FER: variants seen among roughly 807,000 people sequenced by gnomAD.
FER encodes the protein tyrosine-protein kinase Fer.
In FER, 63 loss-of-function variants were observed where a neutral mutation model predicts 111.0. The observed-to-expected ratio is 0.57, with a 90% CI of 0.46 to 0.70. The LOEUF (loss-of-function observed/expected upper bound fraction) is 0.70, where lower values mean the gene tolerates loss of function less well. Among genes scored for constraint, FER ranks in the 30% least tolerant of loss-of-function variants. The pLI, the probability that FER is intolerant of heterozygous loss-of-function variation, is 0.00. For synonymous variants in FER, 327 were observed against 313.9 expected (o/e 1.04, Z -0.44); for missense variants, 914 against 954.0 (o/e 0.96, Z 0.55).
At chr5:109,186,095 A>C in intron 18 of FER, 105 bp from the exon 19 acceptor site, 2 of 1,505,114 alleles carry the variant, frequency 1.3e-6, no homozygotes, top group Non-Finnish European at 1.8e-6. Context: ...TCATTGACCA[A>C]ACATCATTAT....
chr5:109,175,006 A>AT (rs1445061421), intron 17 of FER, among the ~76,000 whole-genome samples: 2 of 137,438 alleles, frequency 1.5e-5, no homozygotes, highest in East Asian at 4.2e-4. Context: ...AAGTACAGTA[A>AT]TTTCTGAGTG....
chr5:108,971,923 C>T (rs1331439754), intron 13 of FER, among the ~76,000 whole-genome samples: 2 of 152,034 alleles, frequency 1.3e-5, no homozygotes, highest in African/African-American at 4.8e-5. Flanking sequence ...TGAGTGAAAA[C>T]AAACATTAAG....
chr5:108,787,227 C>T (rs555022787), intron 2 of FER, among the ~76,000 whole-genome samples: 4 of 152,324 alleles, frequency 2.6e-5, no homozygotes, highest in South Asian at 4.1e-4. Context: ...TGTTGCAACC[C>T]GGCCAGGTAT....
At chr5:108,882,624 T>G (rs1765790840) in intron 8 of FER, among the ~76,000 whole-genome samples, 1 of 151,986 alleles carries the variant, frequency 6.6e-6, no homozygotes, top group African/African-American at 2.4e-5. Flanking sequence ...CTTTTGACTT[T>G]ATGATCTCTT....
chr5:108,754,475 A>C (rs28774987), intron 1 of FER, among the ~76,000 whole-genome samples: 2 of 151,882 alleles, frequency 1.3e-5, no homozygotes, highest in Admixed American at 1.3e-4. Flanking sequence ...GACATACCTT[A>C]CAATTCTGTA....
chr5:108,765,524 A>T (rs1431445404), intron 1 of FER, among the ~76,000 whole-genome samples: 1 of 152,006 alleles, frequency 6.6e-6, no homozygotes, highest in East Asian at 1.9e-4. Context: ...GGCTCAAGTG[A>T]TCCTTCTGCC....
At chr5:109,139,228 T>G (rs1753239389) in intron 17 of FER, among the ~76,000 whole-genome samples, 1 of 152,078 alleles carries the variant, frequency 6.6e-6, no homozygotes, top group African/African-American at 2.4e-5. Flanking sequence ...TCAAAATCAC[T>G]TCCTTGTCTT....
intron 10 of FER, among the ~76,000 whole-genome samples, chr5:108,916,525 C>T (rs1463141775): frequency 1.3e-5 from 2 of 152,056 alleles, no homozygotes; most frequent in African/African-American, 4.8e-5. Flanking sequence ...TGAGTATAGA[C>T]TTGCGTTATA....
At chr5:109,081,245 A>C (rs149752447) in intron 16 of FER, among the ~76,000 whole-genome samples, 1 of 152,262 alleles carries the variant, frequency 6.6e-6, no homozygotes, top group East Asian at 1.9e-4. Context: ...TCTTAAACGA[A>C]TATAGAATGG....
At chr5:109,155,360 G>T (rs1214376410) in intron 17 of FER, among the ~76,000 whole-genome samples, 1 of 151,874 alleles carries the variant, frequency 6.6e-6, no homozygotes, top group African/African-American at 2.4e-5. Flanking sequence ...CATTTTGGGG[G>T]TTAGTGTTCA....
intron 3 of FER, among the ~76,000 whole-genome samples, chr5:108,814,083 A>G (rs991502233): frequency 1.2e-4 from 17 of 145,350 alleles, no homozygotes; most frequent in Admixed American, 1.2e-3. Context: ...AATATATGGA[A>G]TATAGTCCTT....
chr5:108,841,795 TCA>T (rs1761296883), intron 5 of FER: 1 of 414,576 alleles, frequency 2.4e-6, no homozygotes, highest in Non-Finnish European at 4.7e-6. Flanking sequence ...TGCAAAATAC[TCA>T]GTCTTCCTTT....
intron 8 of FER, among the ~76,000 whole-genome samples, chr5:108,876,106 T>G (rs1188519764): frequency 6.6e-6 from 1 of 152,220 alleles, no homozygotes; most frequent in Non-Finnish European, 1.5e-5. Context: ...TTGGATCTTG[T>G]AGGGCATGAG....
chr5:108,843,678 G>A (rs988016753), intron 5 of FER, among the ~76,000 whole-genome samples: 8 of 151,618 alleles, frequency 5.3e-5, no homozygotes, highest in Non-Finnish European at 1.0e-4. Flanking sequence ...ACAGGTGTGC[G>A]CCACCAAACC....
intron 13 of FER, among the ~76,000 whole-genome samples, chr5:108,979,112 G>T (rs1761739121): frequency 6.6e-6 from 1 of 152,056 alleles, no homozygotes. Flanking sequence ...CACTTTGATT[G>T]TTGGCAAATT....
intron 13 of FER, among the ~76,000 whole-genome samples, chr5:109,028,406 G>A (rs1322318918): frequency 1.3e-5 from 2 of 152,180 alleles, no homozygotes; most frequent in South Asian, 2.1e-4. Context: ...ATAACCCATT[G>A]TGTTTCAATT....
At chr5:108,759,965 A>G (rs980229363) in intron 1 of FER, among the ~76,000 whole-genome samples, 42 of 152,236 alleles carry the variant, frequency 2.8e-4, no homozygotes, top group Admixed American at 3.3e-4. Flanking sequence ...TAATACAGGT[A>G]TATTTCACTG....
chr5:108,991,254 C>A (rs970469698), intron 13 of FER, among the ~76,000 whole-genome samples: 6 of 151,724 alleles, frequency 4.0e-5, no homozygotes, highest in African/African-American at 1.4e-4. Flanking sequence ...TTTCAGCTGG[C>A]TTCTGGATTC....
Position 108,883,421 on chromosome 5 carries a change from A to C in FER, c.949A>C (p.Met317Leu), listed in dbSNP as rs1765868036. The change falls in exon 9 of 20, where the codon ATG (methionine) becomes CTG (leucine). Residue 317 changes from methionine (M) to leucine (L), a missense_variant. By Grantham distance (15) the Met-to-Leu change is conservative. Coordinates refer to ENST00000281092, the MANE Select transcript of FER (RefSeq NM_005246.4). ...GTTGAAAACGTTAGCGGAAGAACTT[A>C]TGCAAACACAGCAGATGCTTTTAAA... The part of the protein sequence containing the change: ...VMLKTLAEEL[M>L]QTQQMLLNKE... 1 of 1,607,822 alleles carries C rather than the reference A, an allele frequency of 6.2e-7. No individual in the cohort carries two copies. Among genetic ancestry groups the C allele is most frequent in the South Asian group, 1.1e-5 (1 of 90,292 alleles).
Sources: allele counts gnomAD v4.1 joint callset (sites outside exome capture counted in the v4.1 genomes callset), GRCh38; gene constraint gnomAD v4.1.1; transcripts MANE v1.5; gene names NCBI Gene and HGNC (gene_info 2026-07-23, HGNC 2026-07-21).